The following ACSL6 variants were observed in gnomAD, a reference collection of about 807,000 sequenced individuals.
ACSL6 encodes the protein acyl-CoA synthetase long chain family member 6.
In ACSL6, 47 loss-of-function variants were observed where a neutral mutation model predicts 98.2. The ratio of observed to expected loss-of-function variants is 0.48; its 90% CI spans 0.38 to 0.61. The LOEUF (loss-of-function observed/expected upper bound fraction) is 0.61. ACSL6 is among the 20% of genes least tolerant of loss of function. The probability of loss-of-function intolerance (pLI) is 0.00; values close to 1 mark genes in which losing one functional copy is unlikely to be tolerated. For missense variants in ACSL6, 761 were observed against 913.4 expected (o/e 0.83, Z 2.15); for synonymous variants, 362 against 336.9 (o/e 1.07, Z -0.82).
At chr5:132,011,710 C>T, upstream of ACSL6, 1 of 1,271,864 alleles carries the variant, frequency 7.9e-7, no homozygotes, top group Non-Finnish European at 9.9e-7. The surrounding 1 kb of genome is among the most constrained non-coding windows in gnomAD (Gnocchi z 5.4). Flanking sequence ...CGCCTCCCCG[C>T]GCCGCTGCGG....
chr5:132,008,795 T>C (rs1179754899), intron 1 of ACSL6, among the ~76,000 whole-genome samples: 1 of 152,240 alleles, frequency 6.6e-6, no homozygotes, highest in Non-Finnish European at 1.5e-5. Context: ...ATGTCACTGA[T>C]GGTTGGGTAT....
intron 1 of ACSL6, among the ~76,000 whole-genome samples, chr5:131,995,715 G>C (rs890676617): frequency 9.9e-5 from 15 of 152,174 alleles, no homozygotes; most frequent in African/African-American, 3.6e-4. Context: ...TCAGTGATGT[G>C]CAAAGTCATT....
At chr5:132,010,494 T>C (rs1458449095) in intron 1 of ACSL6, among the ~76,000 whole-genome samples, 2 of 152,210 alleles carry the variant, frequency 1.3e-5, no homozygotes, top group Admixed American at 1.3e-4. Flanking sequence ...AGGTAAAGAT[T>C]TCAAGAGGGT....
chr5:131,987,980 A>G (rs1183997464), intron 7 of ACSL6, 68 bp downstream of exon 7: 1 of 1,577,690 alleles, frequency 6.3e-7, no homozygotes. Context: ...AGGGACAGAT[A>G]ACCAGAAGTT....
chr5:131,956,047 T>C (rs1711705704), intron 20 of ACSL6, among the ~76,000 whole-genome samples: 1 of 152,192 alleles, frequency 6.6e-6, no homozygotes, highest in Admixed American at 6.5e-5. Flanking sequence ...TTTCTCAGTG[T>C]TGTAGCCTGG....
At chr5:131,996,098 C>T (rs996776190) in intron 1 of ACSL6, among the ~76,000 whole-genome samples, 2 of 152,212 alleles carry the variant, frequency 1.3e-5, no homozygotes, top group African/African-American at 4.8e-5. Flanking sequence ...CAGCCACCCA[C>T]AGGCTCTGGG....
intron 1 of ACSL6, among the ~76,000 whole-genome samples, chr5:131,995,961 A>T (rs924974785): frequency 2.6e-5 from 4 of 152,216 alleles, no homozygotes; most frequent in African/African-American, 9.6e-5. Context: ...AGGACACATG[A>T]AAAGGGGTCA....
chr5:132,011,848 G>A, upstream of ACSL6: 2 of 1,507,046 alleles, frequency 1.3e-6, no homozygotes, highest in Non-Finnish European at 8.9e-7. This position sits in a 1 kb window ranked among gnomAD's most constrained non-coding sequence, Gnocchi z 5.4. Context: ...CAAGCTCCCG[G>A]GCGGGGGAGG....
At chr5:131,989,559 G>A in intron 4 of ACSL6, 51 bp from the exon 5 acceptor site, 2 of 900,878 alleles carry the variant, frequency 2.2e-6, no homozygotes, top group Non-Finnish European at 3.5e-6. Flanking sequence ...CTTCAACAGG[G>A]GAAGGAGATC....
In ACSL6 at chr5:131,951,588, T is replaced by C. The variant is rs1348012335; in HGVS notation, c.*2646A>G. ...AGAAGAAACCTTGTTTTTGTTTTTT[T>C]TTTTTCTTTCTTTTTGAGACGGAGT... On this transcript the variant is annotated 3_prime_UTR_variant, in exon 21 of 21. Coordinates refer to ENST00000651883, the MANE Select transcript of ACSL6 (RefSeq NM_001009185.3). 5.4e-6 allele frequency: 1 copy of C among 183,544 alleles called. No individual in the cohort carries two copies. Among genetic ancestry groups the C allele is most frequent in the Non-Finnish European group, 1.2e-5 (1 of 86,494 alleles). The allele number at this position is 183,544 out of a possible 1,614,324, so 11.4% of individuals were successfully genotyped here. A position where few individuals can be genotyped will look rare whatever the true frequency, so the allele number is the denominator to read the frequency against.
chr5:131,959,190 A>C (rs1389875684), intron 20 of ACSL6, among the ~76,000 whole-genome samples: 1 of 152,224 alleles, frequency 6.6e-6, no homozygotes, highest in Admixed American at 6.5e-5. Context: ...TGAAGCCAAG[A>C]AGACGGTCCC....
chr5:131,966,317 G>A, intron 17 of ACSL6, 99 bp downstream of exon 17: 1 of 1,182,428 alleles, frequency 8.5e-7, no homozygotes, highest in Non-Finnish European at 1.3e-6. Flanking sequence ...ATGACTCATT[G>A]TCAGGGGGGA....
At chr5:131,974,208 T>G (rs1753483928) in intron 11 of ACSL6, among the ~76,000 whole-genome samples, 1 of 152,134 alleles carries the variant, frequency 6.6e-6, no homozygotes, top group Non-Finnish European at 1.5e-5. Flanking sequence ...TGCTGGTCCC[T>G]TGAGTGACAC....
Position 132,011,577 on chromosome 5 carries a change from G to A in ACSL6, c.-24C>T. ...ATGGCGGTCAGCGGGGCCCGGCCCG[G>A]CCCGGCCCGGCCTCCCCGACCCGCA... On this transcript the variant is annotated 5_prime_UTR_variant, in exon 1 of 21. Coordinates refer to ENST00000651883, the MANE Select transcript of ACSL6 (RefSeq NM_001009185.3). This position sits in a 1 kb window ranked among gnomAD's most constrained non-coding sequence, Gnocchi z 5.4. 1.3e-6 allele frequency: 2 copies of A among 1,515,056 alleles called. No individual in the cohort carries two copies. Among genetic ancestry groups the A allele is most frequent in the Non-Finnish European group, 1.8e-6 (2 of 1,133,884 alleles). 93.9% of individuals were successfully genotyped at this position (1,515,056 alleles called of 1,614,324 possible). A position where few individuals can be genotyped will look rare whatever the true frequency, so the allele number is the denominator to read the frequency against.
chr5:131,992,039 C>T (rs1754552344), intron 2 of ACSL6, among the ~76,000 whole-genome samples: 1 of 152,188 alleles, frequency 6.6e-6, no homozygotes, highest in Non-Finnish European at 1.5e-5. Context: ...ACAGAAGAGG[C>T]TCAACACTGG....
rs1326035497 is a variant in ACSL6 at position 131,967,939 on chromosome 5, C to T, written c.1596+1G>A. 6.2e-7 allele frequency: 1 copy of T among 1,613,604 alleles called. No individual in the cohort carries two copies. The highest frequency in any genetic ancestry group is 8.5e-7 in the Non-Finnish European group (1 of 1,179,626). On this transcript the variant is annotated splice_donor_variant, in intron 16 of 20. Transcript: ENST00000651883. LOFTEE classifies it high-confidence loss of function. ...GCATGAATGGCTAAATCCTTGTTTA[C>T]CTCTCCCTCTCCTTTGCAGGCCCAG...
Position 131,973,383 on chromosome 5 carries a change from G to C in ACSL6, c.1086C>G (p.His362Gln). Reference sequence around the variant, plus strand: ...CCTGGAAGAAGCCAACACGCCCTCCGTGGCAATAGACGACAGACTAGAAAG... The same window carrying C: ...CCTGGAAGAAGCCAACACGCCCTCCCTGGCAATAGACGACAGACTAGAAAG... The part of the protein sequence containing the change: ...ERVIQSVVYC[H>Q]GGRVGFFQGD... The change falls in exon 12 of 21, where the codon CAC (histidine) becomes CAG (glutamine). Residue 362 changes from histidine to glutamine, a missense_variant. Transcript: ENST00000651883. 1 of 1,614,142 alleles carries C rather than the reference G, an allele frequency of 6.2e-7. No homozygotes were observed. The highest frequency in any genetic ancestry group is 1.1e-5 in the South Asian group (1 of 91,086).
chr5:131,993,933 A>C (rs1020762895), intron 2 of ACSL6, 98 bp downstream of exon 2: 6 of 1,285,272 alleles, frequency 4.7e-6, no homozygotes, highest in Middle Eastern at 2.6e-4. Flanking sequence ...TCTCTGGGCC[A>C]TGTGAGGTCA....
At position 131,957,303 on chromosome 5, in the gene ACSL6, A is replaced by C. The variant is rs140738820; in HGVS notation, c.2031+2233T>G. On this transcript the variant is annotated intron_variant, in intron 20 of 20. Coordinates refer to ENST00000651883, the MANE Select transcript of ACSL6 (RefSeq NM_001009185.3). ...AATAAAATATTTTTAGTAAGTGCTT[A>C]ATTAGTCAGAAATTGAAAAATCTAT... is the stretch of plus-strand genomic sequence containing the variant. 3.9e-4 allele frequency among the ~76,000 whole-genome samples: 59 copies of C among 152,366 alleles called. 1 individual carries two copies. The highest frequency in any genetic ancestry group is 1.4e-3 in the African/African-American group (58 of 41,598).
Sources: allele counts gnomAD v4.1 joint callset (sites outside exome capture counted in the v4.1 genomes callset), GRCh38; gene constraint gnomAD v4.1.1; non-coding constraint Gnocchi (gnomAD v3.1); transcripts MANE v1.5; gene names NCBI Gene and HGNC (gene_info 2026-07-23, HGNC 2026-07-21).